The following NAALADL2 variants were observed in gnomAD, a reference collection of about 807,000 sequenced individuals.
NAALADL2 encodes the protein N-acetylated alpha-linked acidic dipeptidase like 2.
A neutral mutation model predicts 87.2 loss-of-function variants in NAALADL2; 76 were observed. The observed-to-expected ratio is 0.87, with a 90% confidence interval of 0.72 to 1.05. The LOEUF is 1.05. Among genes scored for constraint, NAALADL2 ranks in the 50% least tolerant of loss-of-function variants. The probability of loss-of-function intolerance (pLI) is 0.00; values close to 1 mark genes in which losing one functional copy is unlikely to be tolerated. For missense variants in NAALADL2, 1,089 were observed against 945.8 expected (o/e 1.15, Z -1.99); for synonymous variants, 354 against 331.0 (o/e 1.07, Z -0.75).
At chr3:175,257,177 A>G (rs1200665573) in intron 4 of NAALADL2, 2 of 137,116 alleles carry the variant, frequency 1.5e-5, no homozygotes, top group Non-Finnish European at 3.1e-5. Context: ...TTCTTGCTTC[A>G]TTTCCTTTTT....
At chr3:175,322,343 T>C (rs1314680646) in intron 4 of NAALADL2, among the ~76,000 whole-genome samples, 1 of 125,604 alleles carries the variant, frequency 8.0e-6, no homozygotes, top group Non-Finnish European at 1.6e-5. Context: ...CAATTCAAGA[T>C]GGATTAAAGA....
chr3:175,428,337 T>C (rs969520068), intron 5 of NAALADL2, among the ~76,000 whole-genome samples: 2 of 152,132 alleles, frequency 1.3e-5, no homozygotes, highest in African/African-American at 2.4e-5. Context: ...ATGAAGGAAT[T>C]GTTTACTGAC....
chr3:175,316,823 G>T lies in NAALADL2; in HGVS notation c.940-7352G>T, dbSNP rs1480064692. On this transcript the variant is annotated intron_variant, in intron 4 of 13. Transcript: ENST00000454872. ...AATACAGAGGAACACTTCTCATTTG[G>T]TTTGGTATAAGCAGTGTCTTTTATT... 2.0e-5 allele frequency among the ~76,000 whole-genome samples: 3 copies of T among 152,140 alleles called. No individual in the cohort carries two copies. The East Asian group carries it at 5.8e-4, about 29-fold the overall frequency.
At chr3:175,099,717 G>T (rs570673815) in intron 2 of NAALADL2, among the ~76,000 whole-genome samples, 45 of 152,032 alleles carry the variant, frequency 3.0e-4, no homozygotes, top group African/African-American at 9.9e-4. Flanking sequence ...TCTTTTCCTG[G>T]ACATGCTCTA....
intron 3 of NAALADL2, among the ~76,000 whole-genome samples, chr3:174,791,519 G>A (rs537275703): frequency 5.7e-4 from 86 of 152,168 alleles, no homozygotes; most frequent in Non-Finnish European, 9.4e-4. Context: ...GGAACTGTGA[G>A]AAATACATTT....
At chr3:175,800,647 C>T (rs1754035788) in intron 13 of NAALADL2, among the ~76,000 whole-genome samples, 1 of 151,964 alleles carries the variant, frequency 6.6e-6, no homozygotes, top group South Asian at 2.1e-4. Context: ...GCTTAAAATC[C>T]AAAATAAGCT....
At chr3:175,367,854 T>C (rs1765851902) in intron 5 of NAALADL2, among the ~76,000 whole-genome samples, 1 of 152,180 alleles carries the variant, frequency 6.6e-6, no homozygotes. Context: ...TATTTCCTTC[T>C]CCTGCCTGAT....
At chr3:175,579,909 A>G (rs1719510095) in intron 10 of NAALADL2, among the ~76,000 whole-genome samples, 1 of 152,202 alleles carries the variant, frequency 6.6e-6, no homozygotes, top group Non-Finnish European at 1.5e-5. Context: ...TCCATGCCCT[A>G]GCAAGCTTCA....
intron 1 of NAALADL2, among the ~76,000 whole-genome samples, chr3:174,871,939 A>C (rs889615629): frequency 4.0e-5 from 6 of 151,862 alleles, no homozygotes; most frequent in African/African-American, 1.5e-4. Context: ...GTTTTAAGAA[A>C]AATGATAACA....
intron 1 of NAALADL2, among the ~76,000 whole-genome samples, chr3:174,916,301 A>G (rs554836847): frequency 3.3e-5 from 5 of 152,244 alleles, no homozygotes; most frequent in East Asian, 3.9e-4. Context: ...GGAAAACAGT[A>G]TGGAAATTCC....
At chr3:175,258,471 T>G (rs1056567738) in intron 4 of NAALADL2, among the ~76,000 whole-genome samples, 3 of 151,888 alleles carry the variant, frequency 2.0e-5, no homozygotes, top group Non-Finnish European at 4.4e-5. Flanking sequence ...GAGAGATAAT[T>G]AAGAGGCTAA....
chr3:175,020,622 T>C (rs1398923737), intron 1 of NAALADL2, among the ~76,000 whole-genome samples: 1 of 152,086 alleles, frequency 6.6e-6, no homozygotes, highest in Non-Finnish European at 1.5e-5. Context: ...TGTAGTGTCA[T>C]CCTAACTGGC....
chr3:174,670,535 C>T (rs1464827441), intron 2 of NAALADL2, among the ~76,000 whole-genome samples: 1 of 151,864 alleles, frequency 6.6e-6, no homozygotes, highest in East Asian at 1.9e-4. Flanking sequence ...TTATTAAGTA[C>T]TAAAAAGGTT....
intron 10 of NAALADL2, among the ~76,000 whole-genome samples, chr3:175,613,314 C>A (rs1194248657): frequency 6.6e-6 from 1 of 152,010 alleles, no homozygotes; most frequent in Non-Finnish European, 1.5e-5. Context: ...GTGAAATGAT[C>A]CAAAATATTT....
At chr3:175,789,512 G>C (rs6805883) in intron 13 of NAALADL2, among the ~76,000 whole-genome samples, 2,173 of 152,168 alleles carry the variant, frequency 0.014, 56 homozygotes, top group African/African-American at 0.049. Flanking sequence ...TGAGGTCTTG[G>C]CTTTTGTATG....
intron 11 of NAALADL2, among the ~76,000 whole-genome samples, chr3:175,642,787 A>G (rs1429307750): frequency 6.6e-6 from 1 of 152,168 alleles, no homozygotes; most frequent in Non-Finnish European, 1.5e-5. Flanking sequence ...GGTGTAAGCC[A>G]CCGCGCCCGG....
In NAALADL2 at chr3:174,837,886, A is replaced by T. The variant is rs148170383; in HGVS notation, c.-9+100140A>T. Among the ~76,000 whole-genome samples the T allele has an allele frequency of 5.5e-4, 84 of 152,146 alleles. No homozygotes were observed. In the East Asian group the frequency reaches 0.016, roughly 28 times the overall value. On this transcript the variant is annotated intron_variant, in intron 3 of 3. Coordinates refer to the NAALADL2 transcript ENST00000434257. ...CAGATTCACAGCAGAATTCTACCAG[A>T]CAGTCAAAGAAGAATTGGTGCCAAT...
intron 4 of NAALADL2, among the ~76,000 whole-genome samples, chr3:175,312,725 C>T (rs114386681): frequency 0.014 from 2,066 of 152,216 alleles, 50 homozygotes; most frequent in African/African-American, 0.047. Flanking sequence ...TCATGAAGCA[C>T]AATTTCAGTG....
intron 1 of NAALADL2, among the ~76,000 whole-genome samples, chr3:174,861,700 G>A (rs1474516947): frequency 1.3e-5 from 2 of 152,002 alleles, no homozygotes; most frequent in African/African-American, 2.4e-5. Context: ...CATGTATCTA[G>A]ATTTTCTAGA....
Sources: allele counts gnomAD v4.1 joint callset (sites outside exome capture counted in the v4.1 genomes callset), GRCh38; gene constraint gnomAD v4.1.1; transcripts MANE v1.5; gene names NCBI Gene and HGNC (gene_info 2026-07-23, HGNC 2026-07-21).